The following CALN1 variants were observed in gnomAD, a reference collection of about 807,000 sequenced individuals.
CALN1 encodes the protein calneuron 1, also known as calcium-binding protein 8.
A neutral mutation model predicts 30.6 loss-of-function variants in CALN1; 17 were observed. The observed-to-expected ratio is 0.56, with a 90% confidence interval of 0.38 to 0.83. The LOEUF is 0.83. Ranked by LOEUF, CALN1 falls within the 40% of genes least tolerant of loss-of-function variation. CALN1 has a pLI of 0.00. For missense variants in CALN1, 291 were observed against 354.9 expected (o/e 0.82, Z 1.45); for synonymous variants, 156 against 131.4 (o/e 1.19, Z -1.28).
At chr7:72,282,570 A>G (rs1000459491) in intron 2 of CALN1, among the ~76,000 whole-genome samples, 3 of 152,212 alleles carry the variant, frequency 2.0e-5, no homozygotes, top group African/African-American at 2.4e-5. Flanking sequence ...GCCTTCCACC[A>G]TGTGAAAATG....
At chr7:72,221,610 G>A (rs936109520) in intron 3 of CALN1, among the ~76,000 whole-genome samples, 5 of 152,182 alleles carry the variant, frequency 3.3e-5, no homozygotes, top group African/African-American at 1.2e-4. Flanking sequence ...AGTGGCTGAG[G>A]CTGGACGCAG....
intron 1 of CALN1, among the ~76,000 whole-genome samples, chr7:72,426,385 A>G (rs923119513): frequency 7.2e-5 from 11 of 152,234 alleles, no homozygotes; most frequent in African/African-American, 2.4e-4. Flanking sequence ...TCTCATGATC[A>G]TGAGTGAGTT....
chr7:72,261,225 T>C (rs952851022), intron 3 of CALN1, among the ~76,000 whole-genome samples: 3 of 152,050 alleles, frequency 2.0e-5, no homozygotes, highest in African/African-American at 7.2e-5. Flanking sequence ...GGAGAATTGC[T>C]TGAACCTGGG....
chr7:72,302,300 A>C (rs976481439), intron 2 of CALN1, among the ~76,000 whole-genome samples: 3 of 152,182 alleles, frequency 2.0e-5, no homozygotes, highest in Non-Finnish European at 4.4e-5. Flanking sequence ...ATTTCAGAAC[A>C]TCAGAATTAA....
chr7:71,787,947 G>A (rs867319391), intron 6 of CALN1, 45 bp from the exon 7 acceptor site: 5 of 1,612,610 alleles, frequency 3.1e-6, no homozygotes, highest in Middle Eastern at 3.3e-4. Flanking sequence ...AGAGGGGTTG[G>A]GAGAAGAGAG....
intron 1 of CALN1, among the ~76,000 whole-genome samples, chr7:72,405,189 T>C (rs1247941802): frequency 6.6e-6 from 1 of 152,136 alleles, no homozygotes; most frequent in Admixed American, 6.5e-5. Context: ...CAAAGACACC[T>C]TAAAGAGAGT....
chr7:71,989,669 C>T (rs1021915070), intron 5 of CALN1, among the ~76,000 whole-genome samples: 13 of 151,976 alleles, frequency 8.6e-5, no homozygotes, highest in African/African-American at 2.9e-4. Flanking sequence ...AATACGGATC[C>T]GGGGCGAGGG....
chr7:71,803,594 C>A (rs1787430270), intron 6 of CALN1, among the ~76,000 whole-genome samples: 2 of 152,160 alleles, frequency 1.3e-5, no homozygotes, highest in Admixed American at 1.3e-4. Context: ...CCTGCCTCAG[C>A]CTCCTGAGTA....
intron 3 of CALN1, among the ~76,000 whole-genome samples, chr7:72,197,328 A>T (rs1350334493): frequency 6.6e-6 from 1 of 151,708 alleles, no homozygotes; most frequent in Non-Finnish European, 1.5e-5. Flanking sequence ...CAGCCTTCTG[A>T]GTAGCTGGGA....
intron 5 of CALN1, among the ~76,000 whole-genome samples, chr7:71,991,511 C>A (rs1366792600): frequency 6.6e-6 from 1 of 151,186 alleles, no homozygotes; most frequent in African/African-American, 2.4e-5. Context: ...AGGCCTGTGC[C>A]TACATTTTAG....
chr7:72,289,608 A>T (rs1585375114), intron 2 of CALN1, among the ~76,000 whole-genome samples: 1 of 152,192 alleles, frequency 6.6e-6, no homozygotes, highest in Non-Finnish European at 1.5e-5. Context: ...ATTTGGAAAG[A>T]GATGTGCAGC....
At chr7:71,908,670 T>C (rs1439651267) in intron 5 of CALN1, among the ~76,000 whole-genome samples, 1 of 152,200 alleles carries the variant, frequency 6.6e-6, no homozygotes, top group Non-Finnish European at 1.5e-5. Flanking sequence ...CCTGACATGG[T>C]ATCTCTACCA....
intron 5 of CALN1, among the ~76,000 whole-genome samples, chr7:71,932,232 G>C (rs1361265802): frequency 6.6e-6 from 1 of 152,120 alleles, no homozygotes; most frequent in African/African-American, 2.4e-5. Flanking sequence ...CCAGGCTGGA[G>C]TACAGTGATC....
At position 72,073,610 on chromosome 7, in the gene CALN1, C is replaced by A. The variant is rs57352841; in HGVS notation, c.388+32541G>T. On this transcript the variant is annotated intron_variant, in intron 4 of 6. Transcript: ENST00000395275. ...GTGTGGAATTAGGGCTGCATTTAGT[C>A]CTTTCTTTCTTTCTTTCTCTCTGTC... Among the ~76,000 whole-genome samples, 1,502 of 151,118 alleles carry A rather than the reference C, an allele frequency of 9.9e-3. 17 individuals are homozygous for A. The highest frequency in any genetic ancestry group is 0.032 in the African/African-American group (1,317 of 41,192).
intron 5 of CALN1, among the ~76,000 whole-genome samples, chr7:71,887,445 G>GT (rs1425508227): frequency 1.3e-5 from 2 of 152,070 alleles, no homozygotes; most frequent in Non-Finnish European, 2.9e-5. Flanking sequence ...ACAGGCATGC[G>GT]TCACCACGCC....
chr7:72,120,781 G>A (rs1361145909), intron 3 of CALN1, among the ~76,000 whole-genome samples: 1 of 152,090 alleles, frequency 6.6e-6, no homozygotes, highest in African/African-American at 2.4e-5. Context: ...ACGCTTCAAG[G>A]AAAAGGAGGC....
At chr7:72,016,248 C>CA (rs1216381592) in intron 5 of CALN1, among the ~76,000 whole-genome samples, 18,051 of 73,086 alleles carry the variant, frequency 0.25, 2,713 homozygotes, top group East Asian at 0.6. Context: ...GACTCCATCT[C>CA]AAAAAAAAAA....
At chr7:71,889,092 T>C (rs958788568) in intron 5 of CALN1, among the ~76,000 whole-genome samples, 1 of 152,180 alleles carries the variant, frequency 6.6e-6, no homozygotes, top group African/African-American at 2.4e-5. Flanking sequence ...AGGACCCAGG[T>C]GCGATGTGAG....
intron 2 of CALN1, among the ~76,000 whole-genome samples, chr7:72,400,920 T>C (rs7778103): frequency 0.59 from 89,930 of 151,960 alleles, 27,788 homozygotes; most frequent in African/African-American, 0.76. Flanking sequence ...AGATGGAAGA[T>C]GAGACACATC....
Sources: gnomAD v4.1 joint callset for allele counts (sites outside exome capture counted in the v4.1 genomes callset) on GRCh38, gnomAD v4.1.1 for gene constraint, MANE v1.5 for transcripts, NCBI Gene and HGNC (gene_info 2026-07-23, HGNC 2026-07-21) for gene names.